The following RPA1 variants were observed in gnomAD, a reference collection of about 807,000 sequenced individuals.
The protein encoded by RPA1 is replication protein A1, also known as replication protein A 70 kDa DNA-binding subunit.
In RPA1, 49 loss-of-function variants were observed where a neutral mutation model predicts 83.0. The ratio of observed to expected loss-of-function variants is 0.59; its 90% CI spans 0.47 to 0.75. RPA1 has a LOEUF of 0.75. Ranked by LOEUF, RPA1 falls within the 30% of genes least tolerant of loss-of-function variation. The pLI, the probability that RPA1 is intolerant of heterozygous loss-of-function variation, is 0.00. For synonymous variants in RPA1, 279 were observed against 281.8 expected (o/e 0.99, Z 0.10); for missense variants, 693 against 776.1 (o/e 0.89, Z 1.27).
chr17:1,834,266 A>T (rs978366221), intron 1 of RPA1, among the ~76,000 whole-genome samples: 2 of 152,196 alleles, frequency 1.3e-5, no homozygotes, highest in African/African-American at 2.4e-5. Flanking sequence ...TCTGTTGCCC[A>T]TGCTAGTCTC....
chr17:1,879,189 G>A (rs200052034), intron 9 of RPA1, 26 bp from the exon 10 acceptor site: 8 of 1,611,350 alleles, frequency 5.0e-6, no homozygotes, highest in Non-Finnish European at 5.9e-6. Context: ...GTAGTCTCAG[G>A]TTCTGTGGCT....
chr17:1,891,808 A>G (rs1459195812), intron 14 of RPA1, 25 bp from the exon 15 acceptor site: 1 of 1,395,662 alleles, frequency 7.2e-7, no homozygotes, highest in Non-Finnish European at 1.0e-6. Context: ...TCTTTGCTGA[A>G]ATAATGTAGA....
intron 5 of RPA1, among the ~76,000 whole-genome samples, chr17:1,856,564 C>A (rs148186435): frequency 6.6e-6 from 1 of 152,084 alleles, no homozygotes; most frequent in Non-Finnish European, 1.5e-5. Flanking sequence ...ATGCCACGGG[C>A]ACTCCAGCTG....
intron 1 of RPA1, among the ~76,000 whole-genome samples, chr17:1,835,933 G>C (rs1172270288): frequency 6.6e-6 from 1 of 151,978 alleles, no homozygotes; most frequent in African/African-American, 2.4e-5. Context: ...TTGATACCAG[G>C]CTGGGCAACA....
chr17:1,853,188 A>G lies in RPA1; in HGVS notation c.360A>G (p.Glu120=), dbSNP rs755818335. The G allele has an allele frequency of 5.0e-6, 8 of 1,613,068 alleles. No homozygotes were observed. Among genetic ancestry groups the G allele is most frequent in the Non-Finnish European group, 6.8e-6 (8 of 1,179,116 alleles). ...VKIGNPVPYN[E]GLGQPQVAPP... is the part of the protein sequence containing the mutation. ...TTGGCAATCCAGTGCCCTATAATGA[A>G]GGTAAAATGCTTTGGCGTAGGTTGT... is the stretch of plus-strand genomic sequence containing the variant. Residue 120 remains glutamate, a splice_region_variant and synonymous_variant, in exon 5 of 17, where the codon GAA becomes GAG. Coordinates refer to ENST00000254719, the MANE Select transcript of RPA1 (RefSeq NM_002945.5).
At chr17:1,833,364 C>T (rs80094956) in intron 1 of RPA1, among the ~76,000 whole-genome samples, 2 of 152,128 alleles carry the variant, frequency 1.3e-5, no homozygotes, top group Non-Finnish European at 2.9e-5. Context: ...ATGAATGAGG[C>T]AGTGGGAAGA....
intron 1 of RPA1, among the ~76,000 whole-genome samples, chr17:1,832,887 A>T (rs1190878063): frequency 1.3e-5 from 2 of 151,976 alleles, no homozygotes; most frequent in Non-Finnish European, 2.9e-5. Context: ...ATGTTTGTTG[A>T]TTTATCAGTT....
chr17:1,832,280 C>T (rs1365055450), intron 1 of RPA1, among the ~76,000 whole-genome samples: 1 of 151,980 alleles, frequency 6.6e-6, no homozygotes, highest in Non-Finnish European at 1.5e-5. Flanking sequence ...CTTCACTCTT[C>T]CCCACACTGG....
chr17:1,846,344 C>T (rs1273518051), intron 4 of RPA1, among the ~76,000 whole-genome samples: 1 of 121,072 alleles, frequency 8.3e-6, no homozygotes, highest in Non-Finnish European at 1.7e-5. Context: ...TCTCCTGAGG[C>T]CTCACTCTGG....
chr17:1,894,395 A>G (rs1305958397), intron 15 of RPA1, among the ~76,000 whole-genome samples: 3 of 152,174 alleles, frequency 2.0e-5, no homozygotes, highest in South Asian at 2.1e-4. Flanking sequence ...TTGAACTCCC[A>G]ACCTCAAGTG....
rs779875804 is a variant in RPA1, at chr17:1,844,612, G to A, written c.198G>A (p.Val66=). 2 of 1,613,566 alleles carry A rather than the reference G, an allele frequency of 1.2e-6. No homozygotes were observed. Among genetic ancestry groups the A allele is most frequent in the South Asian group, 1.1e-5 (1 of 90,860 alleles). The change falls in exon 4 of 17, where the codon GTG becomes GTA. Residue 66 remains valine (V), a synonymous_variant. Coordinates refer to ENST00000254719, the MANE Select transcript of RPA1 (RefSeq NM_002945.5). ...FMLATQLNPL[V]EEEQLSSNCV... ...TGGCGACACAGTTGAACCCTCTCGT[G>A]GAGGAAGAACAATTGTCCAGCAACT... is the stretch of plus-strand genomic sequence containing the variant.
At chr17:1,886,705 C>CTTTTT (rs57659628) in intron 13 of RPA1, among the ~76,000 whole-genome samples, 4 of 125,442 alleles carry the variant, frequency 3.2e-5, no homozygotes, top group East Asian at 2.3e-4. Context: ...TCTTCTGCAG[C>CTTTTT]TTTTTTTTTT....
chr17:1,875,592 G>T (rs778374777), intron 6 of RPA1, 69 bp from the exon 7 acceptor site: 6 of 1,521,084 alleles, frequency 3.9e-6, no homozygotes, highest in Non-Finnish European at 4.4e-6. Flanking sequence ...TAGAGTTATT[G>T]TAAAGCTTAC....
rs1490883922 is a variant in RPA1 at position 1,899,815 on chromosome 17, G to A, written c.*2640G>A. 6.6e-6 allele frequency: 1 copy of A among 152,162 alleles called. No individual in the cohort carries two copies. Among genetic ancestry groups the A allele is most frequent in the African/African-American group, 2.4e-5 (1 of 41,430 alleles). 9.4% of individuals were successfully genotyped at this position (152,162 alleles called of 1,614,324 possible). ...GGTTTTATTTATAGAGGATGAAACA[G>A]GTTGTTTGGTCTCCTTTTCTTCTTT... On this transcript the variant is annotated 3_prime_UTR_variant, in exon 17 of 17. Transcript: ENST00000254719.
intron 4 of RPA1, among the ~76,000 whole-genome samples, chr17:1,848,241 T>C (rs917346620): frequency 6.6e-6 from 1 of 152,150 alleles, no homozygotes; most frequent in Non-Finnish European, 1.5e-5. Context: ...GTGAATGATA[T>C]CTCAATAAAC....
intron 4 of RPA1, among the ~76,000 whole-genome samples, chr17:1,845,403 G>A (rs1343789448): frequency 4.0e-5 from 6 of 151,728 alleles, no homozygotes; most frequent in Non-Finnish European, 7.4e-5. Context: ...GAGGTGTGGC[G>A]GCACACGCTA....
At chr17:1,853,649 C>T (rs938352188) in intron 5 of RPA1, among the ~76,000 whole-genome samples, 3 of 152,178 alleles carry the variant, frequency 2.0e-5, no homozygotes, top group African/African-American at 7.2e-5. Context: ...TGCCACTGCA[C>T]TCCAGCCTGG....
intron 15 of RPA1, among the ~76,000 whole-genome samples, chr17:1,894,029 G>GT (rs5818841): frequency 0.067 from 8,509 of 127,506 alleles, 386 homozygotes; most frequent in Middle Eastern, 0.12. Context: ...CCTGGCTTAA[G>GT]TTTTTTTTTT....
chr17:1,879,527 A>C (rs534619055), intron 10 of RPA1, 33 bp from the exon 11 acceptor site: 1 of 1,613,912 alleles, frequency 6.2e-7, no homozygotes, highest in Non-Finnish European at 8.5e-7. Context: ...GGGAGTCTTG[A>C]CCACCTCCTG....
Sources: allele counts gnomAD v4.1 joint callset (sites outside exome capture counted in the v4.1 genomes callset), GRCh38; gene constraint gnomAD v4.1.1; transcripts MANE v1.5; gene names NCBI Gene and HGNC (gene_info 2026-07-23, HGNC 2026-07-21).